Variants in LPP observed in about 807,000 individuals in gnomAD.
LPP encodes the protein LIM domain containing preferred translocation partner in lipoma, also known as lipoma-preferred partner.
Under a neutral mutation model 60.4 loss-of-function variants are expected in LPP, and 38 were observed. The observed-to-expected ratio is 0.63, with a 90% confidence interval of 0.49 to 0.83. The LOEUF (loss-of-function observed/expected upper bound fraction) is 0.83. Among genes scored for constraint, LPP ranks in the 40% least tolerant of loss-of-function variants. The pLI, the probability that LPP is intolerant of heterozygous loss-of-function variation, is 0.00. For missense variants in LPP, 902 were observed against 783.6 expected (o/e 1.15, Z -1.80); for synonymous variants, 328 against 290.8 (o/e 1.13, Z -1.30).
chr3:188,198,337 A>G (rs1405825013), intron 1 of LPP, among the ~76,000 whole-genome samples: 1 of 152,230 alleles, frequency 6.6e-6, no homozygotes, highest in Non-Finnish European at 1.5e-5. Context: ...TCCTTGCTAT[A>G]TAGCACAGGC....
intron 1 of LPP, among the ~76,000 whole-genome samples, chr3:188,220,946 T>C (rs930952487): frequency 1.2e-4 from 18 of 152,154 alleles, no homozygotes; most frequent in Admixed American, 5.9e-4. Context: ...AAACTGACCA[T>C]GGAAAGGGAT....
At position 188,543,542 on chromosome 3, in the gene LPP, C is replaced by T. The variant is rs543920639; in HGVS notation, c.429+18755C>T. 2.6e-5 allele frequency among the ~76,000 whole-genome samples: 4 copies of T among 152,112 alleles called. No homozygotes were observed. The South Asian group carries it at 8.3e-4, about 32-fold the overall frequency. On this transcript the variant is annotated intron_variant, in intron 6 of 11. Coordinates refer to ENST00000617246, the MANE Select transcript of LPP (RefSeq NM_001375462.1). Reference sequence around the variant, plus strand: ...TGGTTTTTAATTTTTTTATATGGTTCGATTTCTTCCAGGCAGTTGCATAAA... The same window carrying T: ...TGGTTTTTAATTTTTTTATATGGTTTGATTTCTTCCAGGCAGTTGCATAAA...
chr3:188,636,348 C>T (rs968379042), intron 7 of LPP, among the ~76,000 whole-genome samples: 7 of 152,096 alleles, frequency 4.6e-5, no homozygotes, highest in African/African-American at 1.4e-4. Flanking sequence ...GCTTTTCCGA[C>T]GGGCTTAAAA....
At chr3:188,558,101 C>T (rs1422338423) in intron 6 of LPP, among the ~76,000 whole-genome samples, 1 of 152,102 alleles carries the variant, frequency 6.6e-6, no homozygotes, top group Non-Finnish European at 1.5e-5. Flanking sequence ...AGTTCCTTAT[C>T]TGTCTCTGAG....
Position 188,356,952 on chromosome 3 carries a change from G to A in LPP, c.-10+15233G>A, listed in dbSNP as rs527620775. On this transcript the variant is annotated intron_variant, in intron 3 of 11. Coordinates refer to ENST00000617246, the MANE Select transcript of LPP (RefSeq NM_001375462.1). ...ACGGCCAAAGCGTTTCAACCATTCT[G>A]GGGAGGTGGGTGAATGCCCACAACT... Among the ~76,000 whole-genome samples the A allele has an allele frequency of 1.3e-5, 2 of 152,266 alleles. 1 individual carries two copies. Among genetic ancestry groups the A allele is most frequent in the South Asian group, 4.2e-4 (2 of 4,810 alleles).
chr3:188,327,301 C>T (rs1578126214), intron 2 of LPP, among the ~76,000 whole-genome samples: 1 of 152,120 alleles, frequency 6.6e-6, no homozygotes, highest in East Asian at 1.9e-4. Flanking sequence ...TTATCTCTTT[C>T]GTGAACATTG....
chr3:188,379,603 C>T (rs780752981), intron 3 of LPP, among the ~76,000 whole-genome samples: 6 of 152,150 alleles, frequency 3.9e-5, no homozygotes, highest in Non-Finnish European at 8.8e-5. Context: ...ACTAAGCAAC[C>T]ACGAATCTAC....
intron 7 of LPP, among the ~76,000 whole-genome samples, chr3:188,657,716 C>T (rs188905640): frequency 2.2e-4 from 34 of 152,180 alleles, no homozygotes; most frequent in Middle Eastern, 3.4e-3. Flanking sequence ...CACACTAACC[C>T]GTTACATTCA....
intron 7 of LPP, among the ~76,000 whole-genome samples, chr3:188,619,944 T>C (rs1845509275): frequency 1.3e-5 from 2 of 152,162 alleles, no homozygotes; most frequent in Non-Finnish European, 2.9e-5. Flanking sequence ...GGTAAACTCT[T>C]ATTTAAACTT....
intron 2 of LPP, chr3:188,312,900 C>G (rs956350674): frequency 1.3e-5 from 2 of 151,856 alleles, no homozygotes; most frequent in Admixed American, 1.3e-4. Context: ...AACCAAAGAC[C>G]GCATGTTCTT....
At chr3:188,455,635 T>C (rs1797568556) in intron 4 of LPP, among the ~76,000 whole-genome samples, 1 of 152,196 alleles carries the variant, frequency 6.6e-6, no homozygotes, top group Non-Finnish European at 1.5e-5. Context: ...AACTCTATCA[T>C]AATATACTGA....
chr3:188,624,053 G>C (rs1451224414), intron 7 of LPP, among the ~76,000 whole-genome samples: 2 of 152,160 alleles, frequency 1.3e-5, no homozygotes, highest in African/African-American at 4.8e-5. Context: ...GCTGAGTTCT[G>C]ATAGATGCAA....
At chr3:188,337,841 G>A (rs1486580317) in intron 2 of LPP, among the ~76,000 whole-genome samples, 1 of 152,142 alleles carries the variant, frequency 6.6e-6, no homozygotes, top group African/African-American at 2.4e-5. Flanking sequence ...TGTTGTTGTG[G>A]CTGTCTTTGT....
chr3:188,229,915 AC>A (rs1200697501), intron 2 of LPP, among the ~76,000 whole-genome samples: 2 of 152,056 alleles, frequency 1.3e-5, no homozygotes, highest in Admixed American at 1.3e-4. Context: ...CCAAATATTT[AC>A]ACCTGGTTCA....
At chr3:188,615,870 C>T (rs915756148) in intron 7 of LPP, among the ~76,000 whole-genome samples, 18 of 151,990 alleles carry the variant, frequency 1.2e-4, no homozygotes, top group Non-Finnish European at 1.9e-4. Context: ...GTTTGTTGAC[C>T]GCATAAATGT....
At chr3:188,393,207 A>T (rs1780120474) in intron 3 of LPP, among the ~76,000 whole-genome samples, 1 of 152,002 alleles carries the variant, frequency 6.6e-6, no homozygotes, top group Non-Finnish European at 1.5e-5. Flanking sequence ...AAAAAGTGAC[A>T]TTTTTGCTTC....
intron 8 of LPP, among the ~76,000 whole-genome samples, chr3:188,752,655 G>A (rs1359741377): frequency 2.0e-5 from 3 of 152,088 alleles, no homozygotes; most frequent in Admixed American, 2.0e-4. Flanking sequence ...TGGGAATAGG[G>A]TATATGTTGC....
chr3:188,577,737 CTTCCTTTGTTCCTTCG>C (rs1377428258), intron 6 of LPP, among the ~76,000 whole-genome samples: 4 of 127,170 alleles, frequency 3.1e-5, no homozygotes, highest in African/African-American at 1.1e-4. Context: ...GGTTTCCTTC[CTTCCTTTGTTCCTTCG>C]TTCCTTCGTT....
At chr3:188,852,293 G>A (rs1238295172) in intron 9 of LPP, among the ~76,000 whole-genome samples, 1 of 152,212 alleles carries the variant, frequency 6.6e-6, no homozygotes, top group African/African-American at 2.4e-5. Flanking sequence ...GGCCAGGAGT[G>A]TTTGAACAGC....
Sources: gnomAD v4.1 joint callset for allele counts (sites outside exome capture counted in the v4.1 genomes callset) on GRCh38, gnomAD v4.1.1 for gene constraint, MANE v1.5 for transcripts, NCBI Gene and HGNC (gene_info 2026-07-23, HGNC 2026-07-21) for gene names.